CSMD1: variants seen among roughly 807,000 people sequenced by gnomAD.
The protein encoded by CSMD1 is CUB and Sushi multiple domains 1, also known as CUB and sushi domain-containing protein 1.
A neutral mutation model predicts 417.5 loss-of-function variants in CSMD1; 213 were observed. The ratio of observed to expected loss-of-function variants is 0.51; its 90% CI spans 0.46 to 0.57. The LOEUF (loss-of-function observed/expected upper bound fraction) is 0.57. CSMD1 is among the 20% of genes least tolerant of loss of function. The probability of loss-of-function intolerance (pLI) is 0.00; values close to 1 mark genes in which losing one functional copy is unlikely to be tolerated. For synonymous variants in CSMD1, 2,862 were observed against 1,736.8 expected (o/e 1.65, Z -16.11); for missense variants, 6,923 against 4,529.7 (o/e 1.53, Z -15.17).
At chr8:3,766,771 A>C (rs183992956) in intron 5 of CSMD1, among the ~76,000 whole-genome samples, 67 of 152,230 alleles carry the variant, frequency 4.4e-4, no homozygotes, top group Non-Finnish European at 2.6e-4. Context: ...TCATTAAAAA[A>C]CACATTTTTC....
intron 7 of CSMD1, among the ~76,000 whole-genome samples, chr8:3,652,317 C>T (rs544053731): frequency 2.6e-5 from 4 of 151,924 alleles, no homozygotes; most frequent in African/African-American, 7.3e-5. Context: ...TAACCACCAT[C>T]GGAGTGCTCA....
intron 27 of CSMD1, among the ~76,000 whole-genome samples, chr8:3,225,550 T>C (rs1361381062): frequency 6.6e-6 from 1 of 152,142 alleles, no homozygotes; most frequent in Non-Finnish European, 1.5e-5. Flanking sequence ...AGAAAGAAGG[T>C]ACCTGAAGGT....
intron 1 of CSMD1, among the ~76,000 whole-genome samples, chr8:4,764,885 A>AAAAAAAAAAAAAAACAAAAAAAAAC (rs1812348603): frequency 1.3e-5 from 1 of 74,808 alleles, no homozygotes; most frequent in Non-Finnish European, 2.2e-5. Context: ...AAAAAAAAAA[A>AAAAAAAAAAAAAAACAAAAAAAAAC]AAAAAAAAAC....
chr8:3,897,741 C>T (rs973686857), intron 5 of CSMD1, among the ~76,000 whole-genome samples: 3 of 152,154 alleles, frequency 2.0e-5, no homozygotes, highest in Admixed American at 6.5e-5. Context: ...CTGCAAAAGC[C>T]TCCTCCATGA....
chr8:4,856,632 C>T (rs1801816227), intron 1 of CSMD1, among the ~76,000 whole-genome samples: 2 of 146,532 alleles, frequency 1.4e-5, no homozygotes, highest in South Asian at 4.4e-4. Flanking sequence ...TCTGATAAAA[C>T]AGACTTTAAA....
At chr8:3,906,371 G>A (rs542560998) in intron 5 of CSMD1, among the ~76,000 whole-genome samples, 1 of 152,216 alleles carries the variant, frequency 6.6e-6, no homozygotes, top group South Asian at 2.1e-4. Flanking sequence ...CTATAGTATG[G>A]TCTAGAAATA....
At chr8:4,367,596 T>TA (rs1802154510) in intron 3 of CSMD1, among the ~76,000 whole-genome samples, 1 of 152,152 alleles carries the variant, frequency 6.6e-6, no homozygotes, top group Non-Finnish European at 1.5e-5. Context: ...TCTAATTCTG[T>TA]AAAAAATGAC....
At chr8:4,445,150 G>A (rs1310276055) in intron 2 of CSMD1, among the ~76,000 whole-genome samples, 1 of 152,164 alleles carries the variant, frequency 6.6e-6, no homozygotes, top group Non-Finnish European at 1.5e-5. Flanking sequence ...TTAAGATTGG[G>A]TGATGGCACT....
chr8:3,396,159 G>A lies in CSMD1; in HGVS notation c.2593+35C>T, dbSNP rs553281484. 1,467 of 1,527,976 alleles carry A rather than the reference G, an allele frequency of 9.6e-4. 17 individuals are homozygous for A. In the South Asian group the frequency reaches 0.012, roughly 13 times the overall value. 94.7% of individuals were successfully genotyped at this position (1,527,976 alleles called of 1,614,324 possible). On this transcript the variant is annotated intron_variant, in intron 17 of 69. Transcript: ENST00000635120. ...GATCTTTAGTTCTCCCATGCATGCT[G>A]CCCTGCCGGGCTGTCAAGGGAAGGT...
At chr8:3,296,877 C>T (rs1584950062) in intron 25 of CSMD1, among the ~76,000 whole-genome samples, 1 of 152,086 alleles carries the variant, frequency 6.6e-6, no homozygotes. Flanking sequence ...GTCAACTAGA[C>T]ATAGATGGAG....
intron 3 of CSMD1, among the ~76,000 whole-genome samples, chr8:4,294,752 T>C (rs867163480): frequency 6.6e-6 from 1 of 152,116 alleles, no homozygotes; most frequent in East Asian, 1.9e-4. Flanking sequence ...ATTAGATGAC[T>C]TTCTAAATTT....
chr8:3,620,851 G>A lies in CSMD1; in HGVS notation c.1010-4054C>T, dbSNP rs954404784. 8.6e-5 allele frequency among the ~76,000 whole-genome samples: 13 copies of A among 152,032 alleles called. 1 individual carries two copies. Among genetic ancestry groups the A allele is most frequent in the African/African-American group, 2.4e-4 (10 of 41,400 alleles). ...TATTTTAAATATAAATTGATTTAAC[G>A]CCCTGTTTTAGGCTGAATTATGTCC... On this transcript the variant is annotated intron_variant, in intron 7 of 69. Transcript: ENST00000635120.
intron 3 of CSMD1, among the ~76,000 whole-genome samples, chr8:4,081,816 G>T (rs575929839): frequency 3.3e-5 from 5 of 151,058 alleles, no homozygotes; most frequent in Non-Finnish European, 5.9e-5. Context: ...CAAATAAATT[G>T]TTACAAATAA....
In CSMD1 at chr8:4,728,638, T is replaced by C. The variant is rs562109616; in HGVS notation, c.86-91080A>G. 1.0e-3 allele frequency among the ~76,000 whole-genome samples: 154 copies of C among 152,304 alleles called. 1 individual carries two copies. The highest frequency in any genetic ancestry group is 3.7e-3 in the African/African-American group (153 of 41,556). On this transcript the variant is annotated intron_variant, in intron 1 of 69. Coordinates refer to ENST00000635120, the MANE Select transcript of CSMD1 (RefSeq NM_033225.6). Reference sequence around the variant, plus strand: ...CAAATAAAATTCAAAGACCCATGTATGTTAGAGAATCTTAACTAGTTAATA... The same window carrying C: ...CAAATAAAATTCAAAGACCCATGTACGTTAGAGAATCTTAACTAGTTAATA...
At chr8:4,540,838 G>A (rs140822862) in intron 2 of CSMD1, among the ~76,000 whole-genome samples, 38 of 152,142 alleles carry the variant, frequency 2.5e-4, no homozygotes, top group African/African-American at 8.7e-4. Flanking sequence ...GCAAAAAAAG[G>A]TAAAGGCTCA....
At chr8:4,441,294 T>C (rs1272700853) in intron 2 of CSMD1, among the ~76,000 whole-genome samples, 1 of 86,702 alleles carries the variant, frequency 1.2e-5, no homozygotes, top group Non-Finnish European at 2.3e-5. Flanking sequence ...GTGGGGGGAG[T>C]AGAGAGGGAG....
At chr8:3,142,166 G>A (rs117150307) in intron 41 of CSMD1, among the ~76,000 whole-genome samples, 2,248 of 152,196 alleles carry the variant, frequency 0.015, 24 homozygotes, top group East Asian at 0.047. Context: ...ATAAAACTCC[G>A]GTCTCCCACA....
intron 2 of CSMD1, among the ~76,000 whole-genome samples, chr8:4,494,391 T>C (rs1472653025): frequency 2.0e-5 from 3 of 152,200 alleles, no homozygotes; most frequent in Non-Finnish European, 4.4e-5. Flanking sequence ...GAATAGATTT[T>C]CTATTTTAAT....
intron 25 of CSMD1, among the ~76,000 whole-genome samples, chr8:3,299,310 G>C (rs1018585830): frequency 2.6e-5 from 4 of 151,986 alleles, no homozygotes; most frequent in African/African-American, 7.2e-5. Context: ...AAATCAGCTG[G>C]GCATGGTGGC....
Sources: gnomAD v4.1 joint callset for allele counts (sites outside exome capture counted in the v4.1 genomes callset) on GRCh38, gnomAD v4.1.1 for gene constraint, MANE v1.5 for transcripts, NCBI Gene and HGNC (gene_info 2026-07-23, HGNC 2026-07-21) for gene names.